Variants in TSGA10 observed in about 807,000 individuals in gnomAD.
TSGA10 encodes the protein testis specific 10, also known as testis-specific gene 10 protein.
A neutral mutation model predicts 96.6 loss-of-function variants in TSGA10; 43 were observed. The ratio of observed to expected loss-of-function variants is 0.44; its 90% CI spans 0.35 to 0.57. TSGA10 has a LOEUF of 0.57. Ranked by LOEUF, TSGA10 falls within the 20% of genes least tolerant of loss-of-function variation. TSGA10 has a pLI of 0.01. For synonymous variants in TSGA10, 229 were observed against 269.9 expected, an observed-to-expected ratio of 0.85 and a Z score of 1.48; for missense variants, 703 against 834.4, an observed-to-expected ratio of 0.84 and a Z score of 1.94.
chr2:99,028,495 C>T (rs2080845866), intron 17 of TSGA10, among the ~76,000 whole-genome samples: 1 of 152,182 alleles, frequency 6.6e-6, no homozygotes. Flanking sequence ...GATCTATTCA[C>T]AGCAAGTTTC....
intron 10 of TSGA10, among the ~76,000 whole-genome samples, chr2:99,093,630 A>C (rs2089644062): frequency 6.6e-6 from 1 of 152,128 alleles, no homozygotes; most frequent in African/African-American, 2.4e-5. Flanking sequence ...AATCAAATCA[A>C]GAACTCAACA....
intron 16 of TSGA10, among the ~76,000 whole-genome samples, chr2:99,057,459 G>A (rs549201786): frequency 1.3e-5 from 2 of 152,102 alleles, no homozygotes; most frequent in Non-Finnish European, 2.9e-5. Flanking sequence ...CACTTGCGAT[G>A]GAGAATCTGA....
chr2:99,144,165 C>T (rs1236590982), intron 1 of TSGA10, among the ~76,000 whole-genome samples: 6 of 152,082 alleles, frequency 3.9e-5, no homozygotes, highest in South Asian at 2.1e-4. Context: ...GGACTACAGG[C>T]GCCCACCACC....
intron 1 of TSGA10, among the ~76,000 whole-genome samples, chr2:99,131,860 T>G (rs1162995965): frequency 1.3e-5 from 2 of 152,186 alleles, no homozygotes; most frequent in African/African-American, 4.8e-5. Context: ...AGGCCTTTTC[T>G]CCATCTATTG....
chr2:99,108,767 A>C (rs2091563510), intron 7 of TSGA10, 66 bp downstream of exon 7: 1 of 1,241,832 alleles, frequency 8.1e-7, no homozygotes, highest in Non-Finnish European at 1.1e-6. Context: ...ATAAAACTCA[A>C]AGAAGAATTA....
intron 7 of TSGA10, among the ~76,000 whole-genome samples, chr2:99,106,279 A>C (rs570365099): frequency 4.9e-4 from 75 of 152,228 alleles, no homozygotes; most frequent in South Asian, 1.2e-3. Context: ...ATCACTGTCT[A>C]TTCAGATAGT....
intron 16 of TSGA10, among the ~76,000 whole-genome samples, chr2:99,058,891 G>C (rs2084302486): frequency 6.6e-6 from 1 of 151,358 alleles, no homozygotes; most frequent in Non-Finnish European, 1.5e-5. Context: ...CAAAAAATTT[G>C]CTGGGCATAG....
intron 7 of TSGA10, among the ~76,000 whole-genome samples, chr2:99,105,905 A>G (rs1325492249): frequency 6.6e-6 from 1 of 152,242 alleles, no homozygotes; most frequent in Non-Finnish European, 1.5e-5. Flanking sequence ...ATCTTTGCCA[A>G]AAGTCTAAAA....
chr2:99,118,450 CAAA>C (rs34057808), intron 3 of TSGA10, 98 bp downstream of exon 3: 2,085 of 261,876 alleles, frequency 8.0e-3, no homozygotes, highest in Non-Finnish European at 9.9e-3. Context: ...GACTCTATCT[CAAA>C]AAAAAAAAAA....
intron 9 of TSGA10, among the ~76,000 whole-genome samples, chr2:99,104,732 C>T (rs2091159094): frequency 6.6e-6 from 1 of 152,184 alleles, no homozygotes; most frequent in South Asian, 2.1e-4. Context: ...GCCTTGGCCT[C>T]CCAAAGTGCT....
At chr2:99,005,452 T>C (rs2078379073) in intron 20 of TSGA10, among the ~76,000 whole-genome samples, 1 of 152,172 alleles carries the variant, frequency 6.6e-6, no homozygotes, top group African/African-American at 2.4e-5. Context: ...AGTCTCAGGA[T>C]ACAAAATCAA....
At chr2:99,116,257 T>C (rs1320043710) in intron 4 of TSGA10, among the ~76,000 whole-genome samples, 1 of 152,254 alleles carries the variant, frequency 6.6e-6, no homozygotes, top group Admixed American at 6.5e-5. Context: ...AAATATGCTC[T>C]ATCTTGCTTA....
At chr2:99,058,935 G>A (rs931121842) in intron 16 of TSGA10, among the ~76,000 whole-genome samples, 1 of 151,152 alleles carries the variant, frequency 6.6e-6, no homozygotes, top group Admixed American at 6.6e-5. Flanking sequence ...TACTCAGGAG[G>A]CTGAGGCAGG....
chr2:99,120,981 G>A (rs1408467126), intron 2 of TSGA10, among the ~76,000 whole-genome samples: 2 of 152,278 alleles, frequency 1.3e-5, no homozygotes, highest in East Asian at 1.9e-4. Flanking sequence ...ATCCACGCAA[G>A]TTGTTATTTG....
In TSGA10 at chr2:99,068,970, T is replaced by C. The variant is rs769140842; in HGVS notation, c.1136A>G (p.His379Arg). The C allele has an allele frequency of 3.2e-5, 47 of 1,469,526 alleles. No homozygotes were observed. Among genetic ancestry groups the C allele is most frequent in the Non-Finnish European group, 3.9e-5 (44 of 1,115,420 alleles). 91.0% of individuals were successfully genotyped at this position (1,469,526 alleles called of 1,614,324 possible). A position where few individuals can be genotyped will look rare whatever the true frequency, so the allele number is the denominator to read the frequency against. Reference sequence around the variant, plus strand: ...CTGTTTTATGTCATTAAGTTCATTATGAGTGTCATTCAATTTTTTGGACAG... The same window carrying C: ...CTGTTTTATGTCATTAAGTTCATTACGAGTGTCATTCAATTTTTTGGACAG... ...QALSKKLNDT[H>R]NELNDIKQKV... Residue 379 changes from histidine to arginine, a missense_variant, in exon 15 of 21, where the codon CAT (histidine) becomes CGT (arginine). Around this residue, in one of 3 missense-constraint regions of TSGA10, gnomAD observed 585 missense variants for 656.8 expected, o/e 0.89. Transcript: ENST00000393483.
At chr2:99,017,819 A>G (rs960808874) in intron 20 of TSGA10, among the ~76,000 whole-genome samples, 8 of 151,528 alleles carry the variant, frequency 5.3e-5, no homozygotes, top group Non-Finnish European at 1.2e-4. Context: ...AGGGGGAAGG[A>G]TGGGAGAAGA....
At chr2:99,094,559 A>G (rs1039594631) in intron 10 of TSGA10, among the ~76,000 whole-genome samples, 3 of 152,206 alleles carry the variant, frequency 2.0e-5, no homozygotes, top group Non-Finnish European at 4.4e-5. Context: ...AGCAATAAAA[A>G]AACAAACAAT....
intron 1 of TSGA10, chr2:99,150,523 C>T (rs764829417): frequency 6.3e-7 from 1 of 1,591,884 alleles, no homozygotes; most frequent in Non-Finnish European, 8.5e-7. Flanking sequence ...TAAAAAGGTA[C>T]CTGCAAATTA....
chr2:99,005,379 A>G (rs1301776388), intron 20 of TSGA10, among the ~76,000 whole-genome samples: 1 of 152,212 alleles, frequency 6.6e-6, no homozygotes, highest in Non-Finnish European at 1.5e-5. Context: ...ACATGATTGT[A>G]TATCTAGAAA....
Sources: allele counts gnomAD v4.1 joint callset (sites outside exome capture counted in the v4.1 genomes callset), GRCh38; gene constraint gnomAD v4.1.1; regional missense constraint gnomAD v4.1.1; transcripts MANE v1.5; gene names NCBI Gene and HGNC (gene_info 2026-07-23, HGNC 2026-07-21).